The following ZCCHC2 variants were observed in gnomAD, a reference collection of about 807,000 sequenced individuals.
ZCCHC2 encodes zinc finger CCHC-type containing 2, also known as zinc finger CCHC domain-containing protein 2.
ZCCHC2 carries 39 observed loss-of-function variants against 103.6 expected under a neutral mutation model. The ratio of observed to expected loss-of-function variants is 0.38; its 90% CI spans 0.29 to 0.49. ZCCHC2 has a LOEUF of 0.49. Ranked by LOEUF, ZCCHC2 falls within the 20% of genes least tolerant of loss-of-function variation. The probability of loss-of-function intolerance (pLI) is 0.96; values close to 1 mark genes in which losing one functional copy is unlikely to be tolerated. For missense variants in ZCCHC2, 1,483 were observed against 1,491.0 expected, an observed-to-expected ratio of 0.99 and a Z score of 0.09; for synonymous variants, 687 against 608.9, an observed-to-expected ratio of 1.13 and a Z score of -1.89.
chr18:62,548,297 C>G (rs1369177936), intron 4 of ZCCHC2, among the ~76,000 whole-genome samples: 2 of 151,894 alleles, frequency 1.3e-5, no homozygotes, highest in Non-Finnish European at 2.9e-5. Context: ...TTTAGGACTG[C>G]AAATATGCCC....
rs753371734 is a variant in ZCCHC2, at chr18:62,539,932, C to G, written c.1051+140C>G. ...ACTGGTCCTAGGCTTCACTCAAGAG[C>G]CAGTCCTCCTAGTTCTGCCATCTGC... On this transcript the variant is annotated intron_variant, in intron 2 of 13. Coordinates refer to ENST00000269499, the MANE Select transcript of ZCCHC2 (RefSeq NM_017742.6). 1.0e-5 allele frequency: 7 copies of G among 678,196 alleles called. No homozygotes were observed. The African/African-American group carries it at 1.1e-4, about 11-fold the overall frequency. 42.0% of individuals were successfully genotyped at this position (678,196 alleles called of 1,614,324 possible). A position where few individuals can be genotyped will look rare whatever the true frequency, so the allele number is the denominator to read the frequency against.
Position 62,523,550 on chromosome 18 carries a change from C to A in ZCCHC2, c.126C>A (p.Arg42=). The A allele has an allele frequency of 1.1e-6, 1 of 892,756 alleles. No homozygotes were observed. Among genetic ancestry groups the A allele is most frequent in the Non-Finnish European group, 1.3e-6 (1 of 778,214 alleles). 55.3% of individuals were successfully genotyped at this position (892,756 alleles called of 1,614,324 possible). A position where few individuals can be genotyped will look rare whatever the true frequency, so the allele number is the denominator to read the frequency against. The change falls in exon 1 of 14, where the codon CGC becomes CGA. Residue 42 remains arginine, a synonymous_variant. Transcript: ENST00000269499. ...CTTCGCGCCGCCGCCGCGACTGCCG[C>A]CCCCCGCCGCCGCCGCCGCCGCCCG... ...KAPSRRRRDC[R]PPPPPPPPAG...
Position 62,523,688 on chromosome 18 carries a change from C to A in ZCCHC2, c.264C>A (p.Pro88=). The A allele has an allele frequency of 7.2e-7, 1 of 1,395,008 alleles. No homozygotes were observed. Among genetic ancestry groups the A allele is most frequent in the Non-Finnish European group, 9.3e-7 (1 of 1,077,808 alleles). 86.4% of individuals were successfully genotyped at this position (1,395,008 alleles called of 1,614,324 possible). A position where few individuals can be genotyped will look rare whatever the true frequency, so the allele number is the denominator to read the frequency against. ...GAGMPGGGGG[P]SAALREQERV... Reference sequence around the variant, plus strand: ...GTATGCCGGGCGGCGGCGGGGGGCCCTCGGCGGCGCTGCGCGAGCAGGAGC... The same window carrying A: ...GTATGCCGGGCGGCGGCGGGGGGCCATCGGCGGCGCTGCGCGAGCAGGAGC... The change falls in exon 1 of 14, where the codon CCC becomes CCA. Residue 88 remains proline, a synonymous_variant. Coordinates refer to ENST00000269499, the MANE Select transcript of ZCCHC2 (RefSeq NM_017742.6).
In ZCCHC2 at chr18:62,574,380, T is replaced by C; in HGVS notation, c.2299T>C (p.Ser767Pro). 6.2e-7 allele frequency: 1 copy of C among 1,614,012 alleles called. No individual in the cohort carries two copies. Among genetic ancestry groups the C allele is most frequent in the Non-Finnish European group, 8.5e-7 (1 of 1,179,892 alleles). Reference protein sequence around the residue: ...AISAIRESANSTPVGILGPTA... With the variant: ...AISAIRESANPTPVGILGPTA... ...TTCTGCAATAAGGGAGTCTGCAAATTCAACCCCTGTTGGAATACTAGGGCC... is the reference window on the plus strand; with the variant it reads ...TTCTGCAATAAGGGAGTCTGCAAATCCAACCCCTGTTGGAATACTAGGGCC... The change falls in exon 13 of 14, where the codon TCA (serine) becomes CCA (proline). Residue 767 changes from serine (S) to proline (P), a missense_variant. Physicochemically the swap from Ser to Pro is moderately conservative, Grantham distance 74. Around this residue, in one of 3 missense-constraint regions of ZCCHC2, gnomAD observed 884 missense variants for 907.5 expected, o/e 0.97. Transcript: ENST00000269499.
At chr18:62,541,925 A>G (rs572386371) in intron 2 of ZCCHC2, among the ~76,000 whole-genome samples, 1 of 152,292 alleles carries the variant, frequency 6.6e-6, no homozygotes, top group African/African-American at 2.4e-5. Context: ...TTTTGCCACA[A>G]TGAACGTTTA....
In ZCCHC2 at chr18:62,523,306, C is replaced by T. The variant is rs1914132027; in HGVS notation, c.-119C>T. On this transcript the variant is annotated 5_prime_UTR_variant, in exon 1 of 14. Coordinates refer to ENST00000269499, the MANE Select transcript of ZCCHC2 (RefSeq NM_017742.6). ...GAGACCCGCCCCCGGCCCCGGCCCT[C>T]CCCCGGCGGCATGGAGGGGCCCCGC... 1.1e-6 allele frequency: 1 copy of T among 949,912 alleles called. No homozygotes were observed. The highest frequency in any genetic ancestry group is 1.3e-6 in the Non-Finnish European group (1 of 798,634). 58.8% of individuals were successfully genotyped at this position (949,912 alleles called of 1,614,324 possible).
rs181384949 is a variant in ZCCHC2 at position 62,534,345 on chromosome 18, C to A, written c.940-5336C>A. On this transcript the variant is annotated intron_variant, in intron 1 of 13. Coordinates refer to ENST00000269499, the MANE Select transcript of ZCCHC2 (RefSeq NM_017742.6). ...AAAAAAAAATCTGATTATTTGTACT[C>A]CCTGTGTTAATTGAGCTTTTGTGTG... 3.3e-5 allele frequency among the ~76,000 whole-genome samples: 5 copies of A among 151,916 alleles called. No individual in the cohort carries two copies. In the East Asian group the frequency reaches 9.7e-4, roughly 29 times the overall value.
In ZCCHC2 at chr18:62,523,663, G is replaced by T; in HGVS notation, c.239G>T (p.Gly80Val). Residue 80 changes from glycine to valine, a missense_variant, in exon 1 of 14, where the codon GGT becomes GTT. Coordinates refer to ENST00000269499, the MANE Select transcript of ZCCHC2 (RefSeq NM_017742.6). Reference sequence around the variant, plus strand: ...GCTGGTGGAGCGGCGGCGGGGGCGGGTATGCCGGGCGGCGGCGGGGGGCCC... The same window carrying T: ...GCTGGTGGAGCGGCGGCGGGGGCGGTTATGCCGGGCGGCGGCGGGGGGCCC... ...PVAGGAAAGA[G>V]MPGGGGGPSA... 2.2e-6 allele frequency: 3 copies of T among 1,342,010 alleles called. No homozygotes were observed. The highest frequency in any genetic ancestry group is 2.9e-6 in the Non-Finnish European group (3 of 1,051,646). The allele number at this position is 1,342,010 out of a possible 1,614,324, so 83.1% of individuals were successfully genotyped here. A position where few individuals can be genotyped will look rare whatever the true frequency, so the allele number is the denominator to read the frequency against.
At chr18:62,561,436 A>G (rs1916112716) in intron 8 of ZCCHC2, among the ~76,000 whole-genome samples, 1 of 152,206 alleles carries the variant, frequency 6.6e-6, no homozygotes, top group South Asian at 2.1e-4. Context: ...ATACCACATT[A>G]GCGCTGTGCT....
Position 62,524,121 on chromosome 18 carries a change from A to G in ZCCHC2, c.697A>G (p.Lys233Glu). The stretch of plus-strand genomic sequence containing the variant: ...CGGCGACGGCGAGCAGGACGCCGAG[A>G]AGGACGGCTCAGGCCCGGAAGGCGG... ...EDGDGEQDAEKDGSGPEGGIV... is the reference protein window; with the variant it reads ...EDGDGEQDAEEDGSGPEGGIV... Residue 233 changes from lysine to glutamate, a missense_variant, in exon 1 of 14, where the codon AAG becomes GAG. Transcript: ENST00000269499. 2.0e-6 allele frequency: 3 copies of G among 1,529,868 alleles called. No individual in the cohort carries two copies. Among genetic ancestry groups the G allele is most frequent in the Non-Finnish European group, 2.6e-6 (3 of 1,141,740 alleles). 94.8% of individuals were successfully genotyped at this position (1,529,868 alleles called of 1,614,324 possible). A position where few individuals can be genotyped will look rare whatever the true frequency, so the allele number is the denominator to read the frequency against.
At chr18:62,540,004 C>T (rs972426170) in intron 2 of ZCCHC2, among the ~76,000 whole-genome samples, 7 of 152,122 alleles carry the variant, frequency 4.6e-5, no homozygotes, top group African/African-American at 1.7e-4. Flanking sequence ...CTAGCACGCA[C>T]ACAGTCATTC....
intron 8 of ZCCHC2, among the ~76,000 whole-genome samples, chr18:62,562,564 C>T (rs923719847): frequency 2.0e-5 from 3 of 152,110 alleles, no homozygotes; most frequent in African/African-American, 7.2e-5. Context: ...AGCACTGTTA[C>T]CTGAAAGTCT....
intron 1 of ZCCHC2, among the ~76,000 whole-genome samples, chr18:62,526,670 T>G (rs2145482079): frequency 6.6e-6 from 1 of 152,256 alleles, no homozygotes; most frequent in South Asian, 2.1e-4. Flanking sequence ...TCGTCAGGGA[T>G]GAGCCCAAAG....
chr18:62,548,278 G>A (rs941374584), intron 4 of ZCCHC2, among the ~76,000 whole-genome samples: 1 of 151,988 alleles, frequency 6.6e-6, no homozygotes, highest in Non-Finnish European at 1.5e-5. Context: ...TTTAGCAAAT[G>A]AGTCTTTCTT....
Position 62,575,158 on chromosome 18 carries a change from A to G in ZCCHC2, c.3077A>G (p.Asn1026Ser). 6.2e-7 allele frequency: 1 copy of G among 1,613,964 alleles called. No homozygotes were observed. The change falls in exon 13 of 14, where the codon AAC (asparagine) becomes AGC (serine). Residue 1026 changes from asparagine to serine, a missense_variant. Asn to Ser is a conservative substitution (Grantham distance 46). Around this residue, in one of 3 missense-constraint regions of ZCCHC2, gnomAD observed 884 missense variants for 907.5 expected, o/e 0.97. Coordinates refer to ENST00000269499, the MANE Select transcript of ZCCHC2 (RefSeq NM_017742.6). ...GRRCSCGTNGNLQLNSYYYPN... is the reference protein window; with the variant it reads ...GRRCSCGTNGSLQLNSYYYPN... ...AGGTGCAGCTGTGGGACCAATGGAA[A>G]CCTTCAGCTAAATAGTTACTATTAT... is the stretch of plus-strand genomic sequence containing the variant.
At position 62,523,376 on chromosome 18, in the gene ZCCHC2, G is replaced by GCGGCCCCCCC; in HGVS notation, c.-48_-47insGGCCCCCCCC. Reference sequence around the variant, plus strand: ...GCCTCGGCCCGTGCTCCACCTCGCGGCCCCTCCCGCCCGCCCCCGCTCGCA... The same window carrying GCGGCCCCCCC: ...GCCTCGGCCCGTGCTCCACCTCGCGGCGGCCCCCCCCCCCTCCCGCCCGCCCCCGCTCGCA... On this transcript the variant is annotated 5_prime_UTR_variant, in exon 1 of 14. Transcript: ENST00000269499. 1 of 1,012,354 alleles carries GCGGCCCCCCC rather than the reference G, an allele frequency of 9.9e-7. No individual in the cohort carries two copies. Among genetic ancestry groups the GCGGCCCCCCC allele is most frequent in the Non-Finnish European group, 1.2e-6 (1 of 848,990 alleles). The allele number at this position is 1,012,354 out of a possible 1,614,324, so 62.7% of individuals were successfully genotyped here. A position where few individuals can be genotyped will look rare whatever the true frequency, so the allele number is the denominator to read the frequency against.
Position 62,570,658 on chromosome 18 carries a change from G to A in ZCCHC2, c.1975+427G>A, listed in dbSNP as rs537387421. On this transcript the variant is annotated intron_variant, in intron 12 of 13. Coordinates refer to ENST00000269499, the MANE Select transcript of ZCCHC2 (RefSeq NM_017742.6). ...TATTTTGTCTGAGAATAGTATAGTC[G>A]ATCCAGCATTCTAGGTACTGCTTGC... 5.7e-4 allele frequency among the ~76,000 whole-genome samples: 87 copies of A among 152,234 alleles called. 1 individual carries two copies. The highest frequency in any genetic ancestry group is 1.7e-3 in the South Asian group (8 of 4,822).
chr18:62,535,836 G>C (rs951443457), intron 1 of ZCCHC2, among the ~76,000 whole-genome samples: 27 of 152,192 alleles, frequency 1.8e-4, no homozygotes, highest in African/African-American at 6.3e-4. Flanking sequence ...TTAATAGAAT[G>C]TTGTTATATA....
At chr18:62,562,859 T>C (rs967864757) in intron 8 of ZCCHC2, 150 bp from the exon 9 acceptor site, 4 of 790,700 alleles carry the variant, frequency 5.1e-6, no homozygotes, top group Non-Finnish European at 7.9e-6. Context: ...TTATTTCTCA[T>C]AGTATACTTT....
Sources: gnomAD v4.1 joint callset for allele counts (sites outside exome capture counted in the v4.1 genomes callset) on GRCh38, gnomAD v4.1.1 for gene constraint, gnomAD v4.1.1 regional missense constraint, MANE v1.5 for transcripts, NCBI Gene and HGNC (gene_info 2026-07-23, HGNC 2026-07-21) for gene names.